Variants in ANTXR1 observed in about 807,000 individuals in gnomAD.
ANTXR1 encodes anthrax toxin receptor 1.
In ANTXR1, 19 loss-of-function variants were observed where a neutral mutation model predicts 78.1. That is an observed-to-expected ratio of 0.24 (90% CI 0.17 to 0.36). ANTXR1 has a LOEUF of 0.36. ANTXR1 is among the 10% of genes least tolerant of loss of function. The pLI is 1.00. For missense variants in ANTXR1, 518 were observed against 718.6 expected (o/e 0.72, Z 3.19); for synonymous variants, 273 against 260.5 (o/e 1.05, Z -0.46).
chr2:69,093,036 AAAGTCTAAAGAC>A (rs1671290566), intron 9 of ANTXR1, among the ~76,000 whole-genome samples: 1 of 152,256 alleles, frequency 6.6e-6, no homozygotes, highest in African/African-American at 2.4e-5. Context: ...AATGAATCAG[AAAGTCTAAAGAC>A]AATGAACACA....
chr2:69,193,001 G>C (rs1046915852), intron 16 of ANTXR1, among the ~76,000 whole-genome samples: 7 of 152,210 alleles, frequency 4.6e-5, no homozygotes, highest in African/African-American at 1.7e-4. Context: ...AATTTGGAAA[G>C]ATTGACTTGT....
chr2:69,023,632 T>C (rs1671262453), intron 1 of ANTXR1, among the ~76,000 whole-genome samples: 1 of 152,170 alleles, frequency 6.6e-6, no homozygotes, highest in Non-Finnish European at 1.5e-5. Flanking sequence ...CAGTACTGCC[T>C]GGCTAGGATA....
chr2:69,154,747 G>A (rs558738575), intron 13 of ANTXR1, among the ~76,000 whole-genome samples: 14 of 152,326 alleles, frequency 9.2e-5, no homozygotes, highest in East Asian at 5.8e-4. Context: ...CGTGGGGTAC[G>A]TGTCTGCCGT....
At chr2:69,221,001 AGAG>A (rs1399367766) in intron 17 of ANTXR1, among the ~76,000 whole-genome samples, 2 of 152,262 alleles carry the variant, frequency 1.3e-5, no homozygotes, top group African/African-American at 2.4e-5. Flanking sequence ...TTTAAGGAAT[AGAG>A]GAGATGGATG....
intron 3 of ANTXR1, among the ~76,000 whole-genome samples, chr2:69,045,519 A>G (rs1245392632): frequency 3.9e-5 from 6 of 152,248 alleles, no homozygotes; most frequent in Admixed American, 1.3e-4. Context: ...ACATGAGAGA[A>G]GCACCATGGG....
intron 1 of ANTXR1, among the ~76,000 whole-genome samples, chr2:69,037,243 G>A (rs1471268089): frequency 1.3e-5 from 2 of 152,220 alleles, no homozygotes; most frequent in African/African-American, 4.8e-5. Flanking sequence ...AAGCTTCCAT[G>A]AGCAATAGAG....
chr2:69,230,347 T>TC (rs1457622256), intron 17 of ANTXR1, among the ~76,000 whole-genome samples: 1 of 151,966 alleles, frequency 6.6e-6, no homozygotes, highest in Non-Finnish European at 1.5e-5. Flanking sequence ...TTATCGACCT[T>TC]CCTCAGGGGC....
At position 69,245,566 on chromosome 2, in the gene ANTXR1, G is replaced by A. The variant is rs1383453212; in HGVS notation, c.*81G>A. 4.4e-6 allele frequency: 7 copies of A among 1,580,080 alleles called. No individual in the cohort carries two copies. The highest frequency in any genetic ancestry group is 6.0e-6 in the Non-Finnish European group (7 of 1,166,334). On this transcript the variant is annotated 3_prime_UTR_variant, in exon 18 of 18. Transcript: ENST00000303714. ...GTCTTTCCAGTTAGAGAAGAGGAGT[G>A]GTGATAAAGCCCACTGACCTTCACA...
chr2:69,122,053 A>G (rs1040105685), intron 10 of ANTXR1, among the ~76,000 whole-genome samples: 1 of 152,240 alleles, frequency 6.6e-6, no homozygotes, highest in African/African-American at 2.4e-5. Flanking sequence ...TCAAAAACCC[A>G]CCAAAGTTCT....
At chr2:69,222,726 C>T (rs886266116) in intron 17 of ANTXR1, among the ~76,000 whole-genome samples, 2 of 152,124 alleles carry the variant, frequency 1.3e-5, no homozygotes, top group South Asian at 4.2e-4. Flanking sequence ...CAGAAGGGAC[C>T]CAGCCCCAGC....
At chr2:69,094,740 G>A (rs955568494) in intron 9 of ANTXR1, among the ~76,000 whole-genome samples, 6 of 152,338 alleles carry the variant, frequency 3.9e-5, no homozygotes, top group African/African-American at 1.4e-4. Flanking sequence ...GGGCGAGGCA[G>A]CGAGATAATG....
At chr2:69,019,358 C>T (rs1334096660) in intron 1 of ANTXR1, among the ~76,000 whole-genome samples, 1 of 152,038 alleles carries the variant, frequency 6.6e-6, no homozygotes, top group Non-Finnish European at 1.5e-5. Context: ...TCCATTTTAA[C>T]TTGTTTGCTC....
chr2:69,028,691 A>G (rs534213935), intron 1 of ANTXR1, among the ~76,000 whole-genome samples: 1 of 152,360 alleles, frequency 6.6e-6, no homozygotes, highest in Non-Finnish European at 1.5e-5. Context: ...AGTATTTTCA[A>G]TAAATTTTGA....
chr2:69,206,018 T>A (rs895502000), intron 17 of ANTXR1, among the ~76,000 whole-genome samples: 1 of 152,118 alleles, frequency 6.6e-6, no homozygotes, highest in South Asian at 2.1e-4. Flanking sequence ...TGTTTTTCCA[T>A]TTTTTTTCTT....
intron 12 of ANTXR1, among the ~76,000 whole-genome samples, chr2:69,151,033 GAATA>G (rs1053147207): frequency 1.4e-4 from 22 of 151,782 alleles, no homozygotes; most frequent in African/African-American, 5.3e-4. Flanking sequence ...CAAAAAATAT[GAATA>G]AATAAAATTA....
intron 13 of ANTXR1, among the ~76,000 whole-genome samples, chr2:69,153,935 G>A (rs146017533): frequency 4.9e-4 from 74 of 152,244 alleles, no homozygotes; most frequent in African/African-American, 1.7e-3. Context: ...GACAATAAGA[G>A]CTCCCACCTC....
chr2:69,213,248 C>T (rs937588040), intron 17 of ANTXR1, among the ~76,000 whole-genome samples: 8 of 152,216 alleles, frequency 5.3e-5, no homozygotes, highest in Non-Finnish European at 1.0e-4. Context: ...GCAGATTGAG[C>T]TGTGACTAGA....
intron 10 of ANTXR1, among the ~76,000 whole-genome samples, chr2:69,122,272 C>T (rs1672373381): frequency 6.6e-6 from 1 of 152,178 alleles, no homozygotes; most frequent in African/African-American, 2.4e-5. Flanking sequence ...TTGTGCTTTC[C>T]GAAGACCTGA....
chr2:69,169,862 T>A (rs1673931585), intron 13 of ANTXR1, among the ~76,000 whole-genome samples: 1 of 152,264 alleles, frequency 6.6e-6, no homozygotes, highest in African/African-American at 2.4e-5. Flanking sequence ...GTGTGACAAT[T>A]CTTTGTTAAA....
Sources: gnomAD v4.1 joint callset for allele counts (sites outside exome capture counted in the v4.1 genomes callset) on GRCh38, gnomAD v4.1.1 for gene constraint, MANE v1.5 for transcripts, NCBI Gene and HGNC (gene_info 2026-07-23, HGNC 2026-07-21) for gene names.